Variants in MTMR3 observed in about 807,000 individuals in gnomAD.
The protein encoded by MTMR3 is myotubularin related protein 3, also known as phosphatidylinositol-3,5-bisphosphate 3-phosphatase MTMR3.
In MTMR3, 32 loss-of-function variants were observed where a neutral mutation model predicts 132.4. The ratio of observed to expected loss-of-function variants is 0.24; its 90% CI spans 0.18 to 0.32. MTMR3 has a LOEUF of 0.32. MTMR3 is among the 10% of genes least tolerant of loss of function. The pLI is 1.00. For missense variants in MTMR3, 1,216 were observed against 1,489.6 expected (o/e 0.82, Z 3.02); for synonymous variants, 556 against 550.3 (o/e 1.01, Z -0.14).
At chr22:29,936,323 A>G (rs975534350) in intron 1 of MTMR3, among the ~76,000 whole-genome samples, 3 of 152,176 alleles carry the variant, frequency 2.0e-5, no homozygotes, top group African/African-American at 7.2e-5. Flanking sequence ...TAAACTGATC[A>G]CATGGACCAG....
intron 5 of MTMR3, chr22:29,986,437 T>C (rs2066859297): frequency 2.2e-6 from 1 of 444,916 alleles, no homozygotes; most frequent in Admixed American, 6.4e-5. Flanking sequence ...TATCTTCTAA[T>C]CTGTCTTCTT....
At chr22:29,961,712 A>G (rs999111120) in intron 2 of MTMR3, among the ~76,000 whole-genome samples, 1 of 152,144 alleles carries the variant, frequency 6.6e-6, no homozygotes, top group African/African-American at 2.4e-5. Flanking sequence ...AGAAGTGTAC[A>G]GTAATGTCCT....
Position 30,008,007 on chromosome 22 carries a change from C to G in MTMR3, c.984C>G (p.Ala328=). 1 of 1,612,680 alleles carries G rather than the reference C, an allele frequency of 6.2e-7. No homozygotes were observed. Among genetic ancestry groups the G allele is most frequent in the Non-Finnish European group, 8.5e-7 (1 of 1,179,910 alleles). The change falls in exon 11 of 20, where the codon GCC becomes GCG. Residue 328 remains alanine, a synonymous_variant. Coordinates refer to ENST00000401950, the MANE Select transcript of MTMR3 (RefSeq NM_021090.4). The part of the protein sequence containing the change: ...RSYAAAVANR[A]KGGGCECPEY... ...ATGCAGCTGCTGTGGCAAACCGAGC[C>G]AAAGGAGGAGGCTGCGAATGCCCAG...
In MTMR3 at chr22:30,022,604, T is replaced by C; in HGVS notation, c.3337-5T>C. On this transcript the variant is annotated splice_polypyrimidine_tract_variant and splice_region_variant and intron_variant, in intron 18 of 19. Transcript: ENST00000401950. ...GTCAGTAACCTGGTCCCATCTGTTT[T>C]GCAGATGACCCGTTGGCTTCCTGAC... 1 of 1,612,282 alleles carries C rather than the reference T, an allele frequency of 6.2e-7. No individual in the cohort carries two copies. The highest frequency in any genetic ancestry group is 8.5e-7 in the Non-Finnish European group (1 of 1,179,238).
chr22:30,015,278 A>G (rs2067552127), intron 14 of MTMR3: 1 of 151,830 alleles, frequency 6.6e-6, no homozygotes, highest in South Asian at 2.1e-4. Flanking sequence ...GCAGGTCTCA[A>G]ACACCTGGGC....
At chr22:29,909,368 T>C (rs1311903258) in intron 1 of MTMR3, among the ~76,000 whole-genome samples, 1 of 152,216 alleles carries the variant, frequency 6.6e-6, no homozygotes, top group African/African-American at 2.4e-5. Flanking sequence ...CTTTTTGAGA[T>C]TGAGTGCTTT....
intron 7 of MTMR3, chr22:29,997,842 C>T (rs982093656): frequency 6.6e-6 from 1 of 152,268 alleles, no homozygotes; most frequent in African/African-American, 2.4e-5. Context: ...TTTATCCCAC[C>T]TGGTATGAAT....
Position 30,025,642 on chromosome 22 carries a change from C to T in MTMR3, c.3438C>T (p.Asn1146=), listed in dbSNP as rs762416198. ...SRKHHCRNCG[N]VFCSSCCNQK... is the part of the protein sequence containing the mutation. ...TTCTCATCTCAAGGAATTGTGGGAACGTATTCTGCTCCAGTTGTTGTAACC... is the reference window on the plus strand; with the variant it reads ...TTCTCATCTCAAGGAATTGTGGGAATGTATTCTGCTCCAGTTGTTGTAACC... Residue 1146 remains asparagine, a synonymous_variant, in exon 20 of 20, where the codon AAC becomes AAT. Coordinates refer to ENST00000401950, the MANE Select transcript of MTMR3 (RefSeq NM_021090.4). 8.1e-6 allele frequency: 13 copies of T among 1,614,068 alleles called. No homozygotes were observed. Among genetic ancestry groups the T allele is most frequent in the South Asian group, 1.1e-5 (1 of 91,090 alleles).
chr22:29,970,929 C>A, intron 2 of MTMR3, 47 bp from the exon 3 acceptor site: 1 of 845,930 alleles, frequency 1.2e-6, no homozygotes, highest in Admixed American at 3.3e-5. Flanking sequence ...TTTTGCCTCC[C>A]CTCCTCTTTT....
intron 1 of MTMR3, among the ~76,000 whole-genome samples, chr22:29,944,095 A>G (rs6006308): frequency 5.9e-5 from 9 of 152,174 alleles, no homozygotes; most frequent in African/African-American, 2.2e-4. Flanking sequence ...GTGGGATTAC[A>G]GGTGTGAGCC....
rs546211954 is a variant in MTMR3, at chr22:29,943,820, T to G, written c.-137-13216T>G. Among the ~76,000 whole-genome samples the G allele has an allele frequency of 1.6e-4, 23 of 139,854 alleles. No homozygotes were observed. The East Asian group carries it at 4.8e-3, about 29-fold the overall frequency. 91.7% of individuals were successfully genotyped at this position (139,854 alleles called of 152,430 possible). A position where few individuals can be genotyped will look rare whatever the true frequency, so the allele number is the denominator to read the frequency against. On this transcript the variant is annotated intron_variant, in intron 1 of 19. Transcript: ENST00000401950. ...CCAGCTCCTTCATGTGGACAACTTT[T>G]TTTTTTCTTTCTTTCTTTCTTGAGA...
Position 29,970,984 on chromosome 22 carries a change from A to T in MTMR3, c.-76A>T. ...TTCCCCCCCACCCCCAGACTTCACCATAAGGGAAAGAAGAGAGCCTTGTTG... is the reference window on the plus strand; with the variant it reads ...TTCCCCCCCACCCCCAGACTTCACCTTAAGGGAAAGAAGAGAGCCTTGTTG... On this transcript the variant is annotated 5_prime_UTR_variant, in exon 3 of 20. Coordinates refer to ENST00000401950, the MANE Select transcript of MTMR3 (RefSeq NM_021090.4). The T allele has an allele frequency of 1.7e-6, 1 of 583,306 alleles. No homozygotes were observed. The highest frequency in any genetic ancestry group is 2.4e-5 in the African/African-American group (1 of 42,196). 36.1% of individuals were successfully genotyped at this position (583,306 alleles called of 1,614,324 possible). A position where few individuals can be genotyped will look rare whatever the true frequency, so the allele number is the denominator to read the frequency against.
intron 1 of MTMR3, among the ~76,000 whole-genome samples, chr22:29,912,480 C>T (rs994436385): frequency 5.3e-5 from 8 of 152,102 alleles, no homozygotes; most frequent in South Asian, 2.1e-4. Flanking sequence ...GATGGGTTCT[C>T]GCTATGTTGC....
At chr22:29,941,214 A>G (rs1299758575) in intron 1 of MTMR3, among the ~76,000 whole-genome samples, 1 of 152,176 alleles carries the variant, frequency 6.6e-6, no homozygotes, top group Non-Finnish European at 1.5e-5. Flanking sequence ...TTTGAGACTT[A>G]TCCAGGTTGT....
intron 13 of MTMR3, 61 bp from the exon 14 acceptor site, chr22:30,013,295 T>A (rs1256732864): frequency 1.0e-5 from 16 of 1,558,068 alleles, no homozygotes; most frequent in Non-Finnish European, 1.4e-5. Context: ...ACACCAGGCT[T>A]AGGACTGTCA....
chr22:30,007,717 C>T (rs2067303386), intron 10 of MTMR3, 184 bp from the exon 11 acceptor site: 1 of 688,812 alleles, frequency 1.5e-6, no homozygotes, highest in Admixed American at 3.0e-5. Context: ...ATAAATCCTT[C>T]TCATCTTTCA....
Position 29,920,171 on chromosome 22 carries a change from G to A in MTMR3, c.-138+36812G>A, listed in dbSNP as rs898861711. Among the ~76,000 whole-genome samples the A allele has an allele frequency of 1.1e-4, 17 of 150,516 alleles. No individual in the cohort carries two copies. In the East Asian group the frequency reaches 3.2e-3, roughly 28 times the overall value. On this transcript the variant is annotated intron_variant, in intron 1 of 19. Coordinates refer to ENST00000401950, the MANE Select transcript of MTMR3 (RefSeq NM_021090.4). ...AGAGGTTGCAGTTAGCTGAGATCGC[G>A]CCACTGCACTGCAGCCTGGGCGACA...
At chr22:29,941,161 C>A (rs1397197395) in intron 1 of MTMR3, among the ~76,000 whole-genome samples, 1 of 139,904 alleles carries the variant, frequency 7.1e-6, no homozygotes, top group Non-Finnish European at 1.5e-5. Flanking sequence ...TGGAATCATA[C>A]AATATTCTTT....
Position 30,023,552 on chromosome 22 carries a change from T to C in MTMR3, c.3425+855T>C, listed in dbSNP as rs990968199. 2.4e-5 allele frequency: 38 copies of C among 1,574,346 alleles called. No individual in the cohort carries two copies. The South Asian group carries it at 3.1e-4, about 13-fold the overall frequency. ...AATAACTTCTCCACACTAACTCTTA[T>C]CATTTCCCCCTCTCTGCACTTACTA... On this transcript the variant is annotated intron_variant, in intron 19 of 19. Transcript: ENST00000401950.
Sources: allele counts gnomAD v4.1 joint callset (sites outside exome capture counted in the v4.1 genomes callset), GRCh38; gene constraint gnomAD v4.1.1; transcripts MANE v1.5; gene names NCBI Gene and HGNC (gene_info 2026-07-23, HGNC 2026-07-21).